STIM2: variants seen among roughly 807,000 people sequenced by gnomAD.
The protein encoded by STIM2 is stromal interaction molecule 2.
In STIM2, 31 loss-of-function variants were observed where a neutral mutation model predicts 85.8. The ratio of observed to expected loss-of-function variants is 0.36; its 90% confidence interval spans 0.27 to 0.49. The LOEUF is 0.49. STIM2 is among the 20% of genes least tolerant of loss of function. The pLI, the probability that STIM2 is intolerant of heterozygous loss-of-function variation, is 0.98. For synonymous variants in STIM2, 356 were observed against 331.1 expected, an observed-to-expected ratio of 1.08 and a Z score of -0.82; for missense variants, 841 against 927.6, an observed-to-expected ratio of 0.91 and a Z score of 1.21.
chr4:26,942,934 A>G (rs1304343337), intron 2 of STIM2, among the ~76,000 whole-genome samples: 1 of 152,088 alleles, frequency 6.6e-6, no homozygotes, highest in Non-Finnish European at 1.5e-5. Context: ...TTAGATATCT[A>G]TTAGTCATCT....
intron 1 of STIM2, among the ~76,000 whole-genome samples, chr4:26,884,699 G>T (rs747747709): frequency 1.3e-5 from 2 of 152,218 alleles, no homozygotes; most frequent in South Asian, 4.1e-4. Context: ...ACCATTGGGG[G>T]ATTAAGTATC....
chr4:26,988,690 A>C (rs538384123), intron 3 of STIM2, among the ~76,000 whole-genome samples: 1 of 152,344 alleles, frequency 6.6e-6, no homozygotes, highest in African/African-American at 2.4e-5. Flanking sequence ...ATATGATGAT[A>C]AAAGTGTCTA....
At chr4:26,996,333 A>G (rs1049500642) in intron 4 of STIM2, among the ~76,000 whole-genome samples, 6 of 152,086 alleles carry the variant, frequency 3.9e-5, no homozygotes, top group Non-Finnish European at 7.4e-5. Flanking sequence ...TTTTACCCTT[A>G]CAAGATTGCT....
chr4:26,936,989 G>A (rs1725417428), intron 2 of STIM2, among the ~76,000 whole-genome samples: 1 of 151,848 alleles, frequency 6.6e-6, no homozygotes, highest in Admixed American at 6.6e-5. Flanking sequence ...GGGTTCCAGC[G>A]TGTTGCCAGG....
At chr4:26,993,385 A>C in intron 3 of STIM2, among the ~76,000 whole-genome samples, 1 of 152,162 alleles carries the variant, frequency 6.6e-6, no homozygotes, top group East Asian at 1.9e-4. Flanking sequence ...ATATAAAACT[A>C]TCAGTTACCA....
intron 3 of STIM2, among the ~76,000 whole-genome samples, chr4:26,986,124 A>G (rs964457806): frequency 6.6e-6 from 1 of 152,162 alleles, no homozygotes; most frequent in Non-Finnish European, 1.5e-5. Context: ...TTAAACTCTG[A>G]GCTTCAGCTT....
chr4:26,893,825 C>T (rs1260286718), intron 1 of STIM2, among the ~76,000 whole-genome samples: 1 of 151,894 alleles, frequency 6.6e-6, no homozygotes, highest in Non-Finnish European at 1.5e-5. Flanking sequence ...TAGATTTCCT[C>T]TTTTGGAGAT....
chr4:26,890,598 G>C (rs528825750), intron 1 of STIM2, among the ~76,000 whole-genome samples: 1 of 152,208 alleles, frequency 6.6e-6, no homozygotes, highest in African/African-American at 2.4e-5. Context: ...GCCGAGGCGG[G>C]TGGATCACGA....
Position 27,011,200 on chromosome 4 carries a change from T to C in STIM2, c.1489+2198T>C, listed in dbSNP as rs1420711286. ...TATATATCCATAACATTATATACAA[T>C]GGTTGCGTGTTTAGAAGTGTATATA... On this transcript the variant is annotated intron_variant, in intron 10 of 11. Transcript: ENST00000467087. Among the ~76,000 whole-genome samples the C allele has an allele frequency of 2.0e-5, 3 of 152,340 alleles. No homozygotes were observed. The East Asian group carries it at 5.8e-4, about 29-fold the overall frequency.
At chr4:27,021,171 A>C (rs1272540974) in intron 11 of STIM2, 3 of 1,072,916 alleles carry the variant, frequency 2.8e-6, no homozygotes, top group Non-Finnish European at 4.1e-6. Flanking sequence ...TGAAGTACCT[A>C]CCGTAAACTT....
chr4:26,910,999 G>A (rs1724313104), intron 1 of STIM2, among the ~76,000 whole-genome samples: 1 of 152,144 alleles, frequency 6.6e-6, no homozygotes, highest in Non-Finnish European at 1.5e-5. Context: ...CACTTTGAGA[G>A]GCTGAGGCGG....
intron 2 of STIM2, among the ~76,000 whole-genome samples, chr4:26,931,484 G>T (rs576419811): frequency 4.3e-4 from 65 of 152,206 alleles, no homozygotes; most frequent in South Asian, 3.9e-3. Flanking sequence ...CCTTTAAAAG[G>T]CTTTGTTTTG....
At chr4:26,998,177 G>T (rs1301449499) in intron 4 of STIM2, among the ~76,000 whole-genome samples, 2 of 152,144 alleles carry the variant, frequency 1.3e-5, no homozygotes, top group African/African-American at 2.4e-5. Context: ...ATTAGACTTT[G>T]TGTAATGAAA....
At chr4:26,868,379 A>G (rs1722483016) in intron 1 of STIM2, among the ~76,000 whole-genome samples, 1 of 152,014 alleles carries the variant, frequency 6.6e-6, no homozygotes, top group Admixed American at 6.6e-5. Flanking sequence ...CCTCTTTTTG[A>G]TCTTCCTAAA....
chr4:26,946,422 TAAG>T (rs1362678703), intron 2 of STIM2, among the ~76,000 whole-genome samples: 1 of 152,218 alleles, frequency 6.6e-6, no homozygotes, highest in African/African-American at 2.4e-5. Context: ...CCTGATTCTT[TAAG>T]ATTAGTAATG....
At chr4:26,931,514 C>A (rs1725203844) in intron 2 of STIM2, among the ~76,000 whole-genome samples, 1 of 152,102 alleles carries the variant, frequency 6.6e-6, no homozygotes. Context: ...CACAATAAAA[C>A]CCATTGTGTT....
At chr4:26,928,287 A>G (rs1015333316) in intron 2 of STIM2, among the ~76,000 whole-genome samples, 4 of 152,208 alleles carry the variant, frequency 2.6e-5, no homozygotes, top group African/African-American at 7.2e-5. Context: ...CAAACATTCA[A>G]ATCATAGCAC....
chr4:26,874,581 T>A (rs1175808179), intron 1 of STIM2, among the ~76,000 whole-genome samples: 1 of 152,218 alleles, frequency 6.6e-6, no homozygotes, highest in African/African-American at 2.4e-5. Context: ...TCTCCTCTTT[T>A]AATGGATAAT....
chr4:26,908,938 G>A (rs991072232), intron 1 of STIM2, among the ~76,000 whole-genome samples: 18 of 152,152 alleles, frequency 1.2e-4, no homozygotes, highest in African/African-American at 4.3e-4. Context: ...TTTGGGCCAG[G>A]CATGTTGGCT....
Sources: gnomAD v4.1 joint callset for allele counts (sites outside exome capture counted in the v4.1 genomes callset) on GRCh38, gnomAD v4.1.1 for gene constraint, MANE v1.5 for transcripts, NCBI Gene and HGNC (gene_info 2026-07-23, HGNC 2026-07-21) for gene names.